Variants in SEC16A observed in about 807,000 individuals in gnomAD.
SEC16A encodes SEC16 homolog A, endoplasmic reticulum export factor, also known as protein transport protein Sec16A.
Under a neutral mutation model 221.9 loss-of-function variants are expected in SEC16A, and 110 were observed. The ratio of observed to expected loss-of-function variants is 0.50; its 90% CI spans 0.42 to 0.58. The LOEUF is 0.58. Ranked by LOEUF, SEC16A falls within the 20% of genes least tolerant of loss-of-function variation. SEC16A has a pLI of 0.00. For missense variants in SEC16A, 3,165 were observed against 3,097.8 expected (o/e 1.02, Z -0.52); for synonymous variants, 1,393 against 1,257.7 (o/e 1.11, Z -2.28).
intron 21 of SEC16A, 32 bp from the exon 22 acceptor site, chr9:136,453,542 C>T (rs1017820851): frequency 5.1e-6 from 8 of 1,574,370 alleles, no homozygotes; most frequent in African/African-American, 1.3e-5. Context: ...ACTATGATCT[C>T]AGTCACGAGA....
chr9:136,447,482 C>T lies in SEC16A; in HGVS notation c.6559+87G>A. On this transcript the variant is annotated intron_variant, in intron 26 of 31. Transcript: ENST00000684901. The surrounding 1 kb of genome is among the most constrained non-coding windows in gnomAD (Gnocchi z 5.5). The stretch of plus-strand genomic sequence containing the variant: ...GCAGGGACGTGCGGGAAGCCACCTC[C>T]TCCCCACGCACAACAGCTACACATT... 6.5e-7 allele frequency: 1 copy of T among 1,538,234 alleles called. No homozygotes were observed. The highest frequency in any genetic ancestry group is 8.9e-7 in the Non-Finnish European group (1 of 1,123,008).
rs764396654 is a variant in SEC16A, at chr9:136,475,399, A to C, written c.2217T>G (p.Leu739=). The part of the protein sequence containing the change: ...SELPDFGGNV[L]LAPAAPALYV... ...AAAGCGCCGGGGCTGCAGGGGCCAGAAGGACGTTGCCTCCAAAATCTGGCA... is the reference window on the plus strand; with the variant it reads ...AAAGCGCCGGGGCTGCAGGGGCCAGCAGGACGTTGCCTCCAAAATCTGGCA... The change falls in exon 3 of 32, where the codon CTT becomes CTG. Residue 739 remains leucine (L), a synonymous_variant. Coordinates refer to ENST00000684901, the MANE Select transcript of SEC16A (RefSeq NM_014866.2). The surrounding 1 kb of genome is among the most constrained non-coding windows in gnomAD (Gnocchi z 5.0). 2 of 1,610,502 alleles carry C rather than the reference A, an allele frequency of 1.2e-6. No homozygotes were observed. Among genetic ancestry groups the C allele is most frequent in the Non-Finnish European group, 1.7e-6 (2 of 1,177,624 alleles).
intron 4 of SEC16A, among the ~76,000 whole-genome samples, chr9:136,471,122 T>A (rs994149141): frequency 1.3e-5 from 2 of 151,754 alleles, no homozygotes; most frequent in African/African-American, 4.8e-5. Context: ...TCTTCTGTAA[T>A]GGCAAACAGA....
rs780415036 is a variant in SEC16A at position 136,443,799 on chromosome 9, T to G, written c.7005+24A>C. Reference sequence around the variant, plus strand: ...CGTCAGTGGGCGTGTTAGGGTCTCGTAGGGAAAGGTAGGAGTCACTCACCT... The same window carrying G: ...CGTCAGTGGGCGTGTTAGGGTCTCGGAGGGAAAGGTAGGAGTCACTCACCT... On this transcript the variant is annotated intron_variant, in intron 31 of 31. Coordinates refer to ENST00000684901, the MANE Select transcript of SEC16A (RefSeq NM_014866.2). The G allele has an allele frequency of 1.9e-6, 3 of 1,597,560 alleles. No individual in the cohort carries two copies. The Admixed American group carries it at 5.1e-5, about 27-fold the overall frequency.
rs116048441 is a variant in SEC16A at position 136,466,267 on chromosome 9, G to T, written c.4125C>A (p.His1375Gln). ...SRRSSLSSHS[H>Q]QSQIYRSHNV... ...TCTGTGAGGCGCCGCCGCGTACCTG[G>T]TGCGAGTGGGAGCTGAGGCTGCTGC... The change falls in exon 7 of 32, where the codon CAC becomes CAA. Residue 1375 changes from histidine (H) to glutamine (Q), a missense_variant. His to Gln is a conservative substitution (Grantham distance 24). Coordinates refer to ENST00000684901, the MANE Select transcript of SEC16A (RefSeq NM_014866.2). The surrounding 1 kb of genome is among the most constrained non-coding windows in gnomAD (Gnocchi z 5.5). 4,093 of 1,582,102 alleles carry T rather than the reference G, an allele frequency of 2.6e-3. 35 individuals carry two copies. The highest frequency in any genetic ancestry group is 0.02 in the Middle Eastern group (119 of 6,016).
In SEC16A at chr9:136,476,307, C is replaced by A. The variant is rs1432883166; in HGVS notation, c.1309G>T (p.Gly437Cys). ...LLPGPSNEAAGDVWGDTASTG... is the reference protein window; with the variant it reads ...LLPGPSNEAACDVWGDTASTG... ...CTCGCTGTGTCACCCCACACATCAC[C>A]AGCAGCCTCATTGCTGGGGCCTGGG... is the stretch of plus-strand genomic sequence containing the variant. Residue 437 changes from glycine (G) to cysteine (C), a missense_variant, in exon 3 of 32, where the codon GGT (glycine) becomes TGT (cysteine). Transcript: ENST00000684901. The A allele has an allele frequency of 6.2e-7, 1 of 1,612,844 alleles. No homozygotes were observed. Among genetic ancestry groups the A allele is most frequent in the Non-Finnish European group, 8.5e-7 (1 of 1,179,878 alleles).
Position 136,472,030 on chromosome 9 carries a change from C to T in SEC16A, c.3649G>A (p.Glu1217Lys), listed in dbSNP as rs767547173. Residue 1217 changes from glutamate (E) to lysine (K), a missense_variant, in exon 4 of 32, where the codon GAG becomes AAG. Physicochemically the swap from Glu to Lys is moderately conservative, Grantham distance 56 (BLOSUM62 1). Transcript: ENST00000684901. ...SAYAQNYRYP[E>K]PERPSSRASH... is the part of the protein sequence containing the mutation. ...GCTCGGGAGCTGGGCCGCTCGGGCT[C>T]GGGATAGCGGTAGTTCTGGGCGTAA... is the stretch of plus-strand genomic sequence containing the variant. 5.5e-5 allele frequency: 88 copies of T among 1,612,444 alleles called. No individual in the cohort carries two copies. The highest frequency in any genetic ancestry group is 6.9e-5 in the Non-Finnish European group (82 of 1,179,870).
intron 4 of SEC16A, among the ~76,000 whole-genome samples, chr9:136,468,889 G>A (rs767936236): frequency 6.9e-4 from 105 of 152,058 alleles, no homozygotes; most frequent in African/African-American, 2.1e-3. Flanking sequence ...TCACTCTGTC[G>A]CATAGGCTGG....
rs1029572146 is a variant in SEC16A, at chr9:136,476,843, T to C, written c.773A>G (p.Gln258Arg). The change falls in exon 3 of 32, where the codon CAG becomes CGG. Residue 258 changes from glutamine to arginine, a missense_variant. Transcript: ENST00000684901. ...PHFPTPSILH[Q>R]GPGHEQHSPL... ...GCTGTGTTGCTCATGACCAGGGCCC[T>C]GATGTAGGATGGACGGGGTGGGGAA... 10 of 1,611,964 alleles carry C rather than the reference T, an allele frequency of 6.2e-6. No individual in the cohort carries two copies. The Admixed American group carries it at 1.2e-4, about 19-fold the overall frequency.
chr9:136,463,656 A>G, intron 10 of SEC16A, 23 bp downstream of exon 10: 3 of 1,613,580 alleles, frequency 1.9e-6, no homozygotes, highest in Non-Finnish European at 2.5e-6. Context: ...GCTCACAAAG[A>G]AATGCCTCAA....
chr9:136,455,159 A>C (rs1201805636), intron 20 of SEC16A, among the ~76,000 whole-genome samples: 1 of 152,148 alleles, frequency 6.6e-6, no homozygotes, highest in Non-Finnish European at 1.5e-5. Context: ...GAAGCCGAGA[A>C]GCGCGAGAGA....
rs1840170240 is a variant in SEC16A at position 136,466,440 on chromosome 9, A to G, written c.3952T>C (p.Trp1318Arg). 1 of 1,606,866 alleles carries G rather than the reference A, an allele frequency of 6.2e-7. No homozygotes were observed. Among genetic ancestry groups the G allele is most frequent in the Non-Finnish European group, 8.5e-7 (1 of 1,176,836 alleles). Reference sequence around the variant, plus strand: ...CCCGTGAAGCGAGGATCGTACCTCCAGTTGTTGTCACGTTTCTCGGGCCTA... The same window carrying G: ...CCCGTGAAGCGAGGATCGTACCTCCGGTTGTTGTCACGTTTCTCGGGCCTA... Reference protein sequence around the residue: ...GDRPEKRDNNWRYDPRFTGSF... With the variant: ...GDRPEKRDNNRRYDPRFTGSF... The change falls in exon 7 of 32, where the codon TGG (tryptophan) becomes CGG (arginine). Residue 1318 changes from tryptophan to arginine, a missense_variant. Around this residue, in one of 3 missense-constraint regions of SEC16A, gnomAD observed 2,030 missense variants for 1,923.1 expected, o/e 1.06. Coordinates refer to ENST00000684901, the MANE Select transcript of SEC16A (RefSeq NM_014866.2). The surrounding 1 kb of genome is among the most constrained non-coding windows in gnomAD (Gnocchi z 5.5).
intron 5 of SEC16A, among the ~76,000 whole-genome samples, chr9:136,467,690 TAAG>T (rs1840329756): frequency 1.3e-5 from 2 of 152,260 alleles, no homozygotes; most frequent in East Asian, 3.8e-4. Flanking sequence ...TAGCAAGTAT[TAAG>T]AAAAAGTTCT....
Position 136,474,243 on chromosome 9 carries a change from C to G in SEC16A, c.3373G>C (p.Val1125Leu). The G allele has an allele frequency of 6.2e-7, 1 of 1,609,542 alleles. No individual in the cohort carries two copies. The highest frequency in any genetic ancestry group is 8.5e-7 in the Non-Finnish European group (1 of 1,178,156). The change falls in exon 3 of 32, where the codon GTG becomes CTG. Residue 1125 changes from valine (V) to leucine (L), a missense_variant. Transcript: ENST00000684901. ...RPPQSSSVSL[V>L]SSGSGQAAVP... is the part of the protein sequence containing the mutation. Reference sequence around the variant, plus strand: ...GCTGCCTGGCCGGAGCCACTGGACACCAGAGACACGCTAGAGGACTGAGGA... The same window carrying G: ...GCTGCCTGGCCGGAGCCACTGGACAGCAGAGACACGCTAGAGGACTGAGGA...
chr9:136,445,223 A>G, intron 29 of SEC16A, 112 bp from the exon 30 acceptor site: 1 of 897,282 alleles, frequency 1.1e-6, no homozygotes, highest in South Asian at 1.5e-5. Flanking sequence ...CATTAGAATC[A>G]ACATAACTCA....
Position 136,466,125 on chromosome 9 carries a change from G to A in SEC16A, c.4140C>T (p.Tyr1380=). 3 of 1,596,230 alleles carry A rather than the reference G, an allele frequency of 1.9e-6. No homozygotes were observed. ...AACCGGCAGCCACATTGTGGCTTCTGTAAATCTGACTCTTAGAAAACAAAG... is the reference window on the plus strand; with the variant it reads ...AACCGGCAGCCACATTGTGGCTTCTATAAATCTGACTCTTAGAAAACAAAG... ...LSSHSHQSQI[Y]RSHNVAAGSY... is the part of the protein sequence containing the mutation. Residue 1380 remains tyrosine, a synonymous_variant, in exon 8 of 32, where the codon TAC becomes TAT. Transcript: ENST00000684901. This position sits in a 1 kb window ranked among gnomAD's most constrained non-coding sequence, Gnocchi z 5.5.
intron 22 of SEC16A, among the ~76,000 whole-genome samples, chr9:136,451,880 C>T (rs1837862449): frequency 6.6e-6 from 1 of 152,202 alleles, no homozygotes; most frequent in Non-Finnish European, 1.5e-5. Flanking sequence ...GGGTAAAACA[C>T]CTAATGCAAG....
intron 17 of SEC16A, among the ~76,000 whole-genome samples, chr9:136,458,520 C>T (rs780410531): frequency 1.3e-5 from 2 of 151,328 alleles, no homozygotes; most frequent in East Asian, 1.9e-4. Flanking sequence ...CCCAGCTACT[C>T]GGGAGGCTGA....
Position 136,455,630 on chromosome 9 carries a change from G to C in SEC16A, c.5828C>G (p.Ser1943Trp), listed in dbSNP as rs200055187. 8 of 1,583,656 alleles carry C rather than the reference G, an allele frequency of 5.1e-6. No individual in the cohort carries two copies. Among genetic ancestry groups the C allele is most frequent in the Middle Eastern group, 2.0e-4 (1 of 5,084 alleles). Reference protein sequence around the residue: ...LAVPAPSPEHSSPSVRLLPSA... With the variant: ...LAVPAPSPEHWSPSVRLLPSA... ...GGGCAGCAGCCGCACGCTCGGGCTC[G>C]AGTGCTCAGGGCTCGGTGCAGGCAC... The change falls in exon 20 of 32, where the codon TCG (serine) becomes TGG (tryptophan). Residue 1943 changes from serine to tryptophan, a missense_variant. By Grantham distance (177) the Ser-to-Trp change is radical (BLOSUM62 -3). Around this residue, in one of 3 missense-constraint regions of SEC16A, gnomAD observed 1,088 missense variants for 1,089.6 expected, o/e 1.00. Coordinates refer to ENST00000684901, the MANE Select transcript of SEC16A (RefSeq NM_014866.2).
Sources: allele counts gnomAD v4.1 joint callset (sites outside exome capture counted in the v4.1 genomes callset), GRCh38; gene constraint gnomAD v4.1.1; regional missense constraint gnomAD v4.1.1; non-coding constraint Gnocchi (gnomAD v3.1); transcripts MANE v1.5; gene names NCBI Gene and HGNC (gene_info 2026-07-23, HGNC 2026-07-21).